HADHA: variants seen among roughly 807,000 people sequenced by gnomAD.
HADHA encodes the protein hydroxyacyl-CoA dehydrogenase trifunctional multienzyme complex subunit alpha.
Under a neutral mutation model 91.3 loss-of-function variants are expected in HADHA, and 59 were observed. The ratio of observed to expected loss-of-function variants is 0.65; its 90% CI spans 0.52 to 0.80. The LOEUF is 0.80. HADHA is among the 30% of genes least tolerant of loss of function. The pLI, the probability that HADHA is intolerant of heterozygous loss-of-function variation, is 0.00. For synonymous variants in HADHA, 320 were observed against 338.9 expected, an observed-to-expected ratio of 0.94 and a Z score of 0.61; for missense variants, 800 against 927.6, an observed-to-expected ratio of 0.86 and a Z score of 1.79.
intron 7 of HADHA, among the ~76,000 whole-genome samples, chr2:26,220,763 G>T (rs916155892): frequency 1.1e-4 from 17 of 152,224 alleles, no homozygotes; most frequent in African/African-American, 3.6e-4. Flanking sequence ...TTAGGGGTGG[G>T]TGTATTGTTT....
At chr2:26,232,325 A>G in intron 5 of HADHA, 46 bp from the exon 6 acceptor site, 1 of 1,448,416 alleles carries the variant, frequency 6.9e-7, no homozygotes, top group South Asian at 1.1e-5. Context: ...AATGTAACTT[A>G]GTAGCAACTT....
At chr2:26,228,508 T>C (rs1289936917) in intron 7 of HADHA, among the ~76,000 whole-genome samples, 2 of 152,194 alleles carry the variant, frequency 1.3e-5, no homozygotes, top group African/African-American at 4.8e-5. Flanking sequence ...ACAACTCAAA[T>C]GCTCATCATT....
intron 1 of HADHA, 99 bp from the exon 2 acceptor site, chr2:26,239,242 A>C: frequency 1.2e-6 from 1 of 849,402 alleles, no homozygotes; most frequent in Non-Finnish European, 2.0e-6. Context: ...CAACAACAAA[A>C]ACCCCAAATC....
rs1188229607 is a variant in HADHA, at chr2:26,216,570, C to T, written c.677-1395G>A. 1.5e-4 allele frequency among the ~76,000 whole-genome samples: 23 copies of T among 152,190 alleles called. 1 individual carries two copies. In the South Asian group the frequency reaches 3.5e-3, roughly 23 times the overall value. ...TCCTGACCTCAAATGATCTGCCCAC[C>T]TCGGCCTCCCAAAGTGCTAGGATTA... On this transcript the variant is annotated intron_variant, in intron 7 of 19. Coordinates refer to ENST00000380649, the MANE Select transcript of HADHA (RefSeq NM_000182.5).
chr2:26,240,179 T>C (rs767325572), intron 1 of HADHA, among the ~76,000 whole-genome samples: 2 of 152,238 alleles, frequency 1.3e-5, no homozygotes, highest in Non-Finnish European at 2.9e-5. Context: ...GCTGCATCTG[T>C]AGCAGGTGTT....
In HADHA at chr2:26,194,627, G is replaced by A. The variant is rs1184259261; in HGVS notation, c.1632C>T (p.Gly544=). Residue 544 remains glycine, a synonymous_variant, in exon 16 of 20, where the codon GGC becomes GGT. Transcript: ENST00000380649. ...KVIIVVKDGP[G]FYTTRCLAPM... is the part of the protein sequence containing the mutation. The stretch of plus-strand genomic sequence containing the variant: ...GCGCAAGACACCTGGTAGTATAGAA[G>A]CCAGGTCCATCCTGCCAAGGAAGAG... The A allele has an allele frequency of 1.9e-6, 3 of 1,608,104 alleles. No homozygotes were observed. Among genetic ancestry groups the A allele is most frequent in the Non-Finnish European group, 1.7e-6 (2 of 1,174,810 alleles).
intron 17 of HADHA, among the ~76,000 whole-genome samples, chr2:26,192,790 T>C (rs1419630643): frequency 6.6e-6 from 1 of 152,112 alleles, no homozygotes; most frequent in African/African-American, 2.4e-5. Flanking sequence ...CTTGTCTCTG[T>C]TGGTCTATTA....
At chr2:26,202,092 C>T (rs1669861370) in intron 12 of HADHA, among the ~76,000 whole-genome samples, 1 of 152,146 alleles carries the variant, frequency 6.6e-6, no homozygotes, top group Non-Finnish European at 1.5e-5. Flanking sequence ...AGCCACCGCG[C>T]CCAGCCTGTG....
chr2:26,222,125 A>G (rs912257166), intron 7 of HADHA, among the ~76,000 whole-genome samples: 3 of 152,090 alleles, frequency 2.0e-5, no homozygotes, highest in Non-Finnish European at 4.4e-5. Context: ...ATTAGGGTGT[A>G]CCCTAATCTA....
intron 12 of HADHA, among the ~76,000 whole-genome samples, chr2:26,203,404 C>T (rs751819595): frequency 1.3e-5 from 2 of 152,150 alleles, no homozygotes; most frequent in Non-Finnish European, 2.9e-5. Flanking sequence ...TCCACCTTCC[C>T]CTCTGCAAAA....
chr2:26,191,417 C>A, intron 19 of HADHA, 22 bp from the exon 20 acceptor site: 1 of 1,614,148 alleles, frequency 6.2e-7, no homozygotes, highest in Non-Finnish European at 8.5e-7. Context: ...AAGAGGACTT[C>A]GTTGAAGGAG....
intron 18 of HADHA, 92 bp from the exon 19 acceptor site, chr2:26,191,720 A>G (rs925893560): frequency 1.5e-6 from 2 of 1,320,932 alleles, no homozygotes. Flanking sequence ...GGATGGGTGC[A>G]TGGGGAGCTC....
At position 26,230,279 on chromosome 2, in the gene HADHA, C is replaced by A. The variant is rs116320983; in HGVS notation, c.589G>T (p.Ala197Ser). Residue 197 changes from alanine to serine, a missense_variant, in exon 7 of 20, where the codon GCT becomes TCT. Coordinates refer to ENST00000380649, the MANE Select transcript of HADHA (RefSeq NM_000182.5). ...RLPKMVGVPA[A>S]LDMMLTGRSI... is the part of the protein sequence containing the mutation. ...CTACCAGTCAGCATCATGTCCAAAG[C>A]AGCAGGCACACCCACCTAACAGGCA... 281 of 1,611,964 alleles carry A rather than the reference C, an allele frequency of 1.7e-4. 1 individual carries two copies. In the African/African-American group the frequency reaches 3.4e-3, roughly 20 times the overall value.
At chr2:26,242,562 G>A (rs1043898313) in intron 1 of HADHA, among the ~76,000 whole-genome samples, 6 of 142,706 alleles carry the variant, frequency 4.2e-5, no homozygotes, top group South Asian at 4.5e-4. Context: ...CCAGGCTGGA[G>A]TTAATAATAT....
At chr2:26,192,060 G>C (rs543412973) in intron 18 of HADHA, among the ~76,000 whole-genome samples, 7 of 152,164 alleles carry the variant, frequency 4.6e-5, no homozygotes, top group Non-Finnish European at 8.8e-5. Context: ...AGAGACCAAG[G>C]AGCACGTGCG....
rs1558332959 is a variant in HADHA, at chr2:26,241,483, A to AC, written c.68-2341_68-2340insG. On this transcript the variant is annotated intron_variant, in intron 1 of 19. Transcript: ENST00000380649. ...AAAAATACAACAACAACAACAAAAA[A>AC]AAAAAAACAAAAAAAAAGTTAGCTG... Among the ~76,000 whole-genome samples the AC allele has an allele frequency of 6.0e-4, 91 of 151,666 alleles. 1 individual carries two copies. The highest frequency in any genetic ancestry group is 5.9e-3 in the South Asian group (28 of 4,778).
intron 1 of HADHA, among the ~76,000 whole-genome samples, chr2:26,242,182 G>GC (rs1192500158): frequency 6.6e-6 from 1 of 152,132 alleles, no homozygotes; most frequent in Non-Finnish European, 1.5e-5. Flanking sequence ...GAGCCACCGT[G>GC]CCTGGCCCCT....
In HADHA at chr2:26,230,260, G is replaced by A; in HGVS notation, c.608C>T (p.Thr203Ile). 1 of 1,613,624 alleles carries A rather than the reference G, an allele frequency of 6.2e-7. No homozygotes were observed. The highest frequency in any genetic ancestry group is 1.6e-4 in the Middle Eastern group (1 of 6,062). Reference sequence around the variant, plus strand: ...CCTGTCTGCACGAATGCTTCTACCAGTCAGCATCATGTCCAAAGCAGCAGG... The same window carrying A: ...CCTGTCTGCACGAATGCTTCTACCAATCAGCATCATGTCCAAAGCAGCAGG... ...GVPAALDMML[T>I]GRSIRADRAK... is the part of the protein sequence containing the mutation. The change falls in exon 7 of 20, where the codon ACT becomes ATT. Residue 203 changes from threonine (T) to isoleucine (I), a missense_variant. Thr to Ile is a moderately conservative substitution (Grantham distance 89). Coordinates refer to ENST00000380649, the MANE Select transcript of HADHA (RefSeq NM_000182.5).
chr2:26,219,149 G>A (rs1326743753), intron 7 of HADHA, among the ~76,000 whole-genome samples: 4 of 151,508 alleles, frequency 2.6e-5, no homozygotes, highest in Non-Finnish European at 5.9e-5. Flanking sequence ...ATTTTTTTGA[G>A]ATGGAGTCTC....
Sources: gnomAD v4.1 joint callset for allele counts (sites outside exome capture counted in the v4.1 genomes callset) on GRCh38, gnomAD v4.1.1 for gene constraint, MANE v1.5 for transcripts, NCBI Gene and HGNC (gene_info 2026-07-23, HGNC 2026-07-21) for gene names.